The following TTLL7 variants were observed in gnomAD, a reference collection of about 807,000 sequenced individuals.
TTLL7 encodes tubulin tyrosine ligase like 7.
In TTLL7, 53 loss-of-function variants were observed where a neutral mutation model predicts 120.2. The ratio of observed to expected loss-of-function variants is 0.44; its 90% confidence interval spans 0.35 to 0.55. The LOEUF is 0.55. Among genes scored for constraint, TTLL7 ranks in the 20% least tolerant of loss-of-function variants. The pLI, the probability that TTLL7 is intolerant of heterozygous loss-of-function variation, is 0.00. For missense variants in TTLL7, 803 were observed against 1,054.7 expected (o/e 0.76, Z 3.31); for synonymous variants, 353 against 351.7 (o/e 1.00, Z -0.04).
chr1:83,979,144 G>A (rs1486681883), intron 1 of TTLL7: 1 of 152,156 alleles, frequency 6.6e-6, no homozygotes, highest in Non-Finnish European at 1.5e-5. Flanking sequence ...TTAATTAACG[G>A]GAGGCCAGCC....
At chr1:83,874,203 C>T (rs1258246746) in intron 20 of TTLL7, among the ~76,000 whole-genome samples, 1 of 152,078 alleles carries the variant, frequency 6.6e-6, no homozygotes, top group African/African-American at 2.4e-5. Context: ...GCATATTATA[C>T]ATGCCTCATA....
intron 10 of TTLL7, among the ~76,000 whole-genome samples, chr1:83,926,718 T>C (rs926449010): frequency 1.3e-5 from 2 of 152,152 alleles, no homozygotes; most frequent in African/African-American, 2.4e-5. Context: ...CATGAGTTAG[T>C]TGTAAATAAG....
intron 1 of TTLL7, among the ~76,000 whole-genome samples, chr1:83,961,524 C>T (rs1650018329): frequency 6.6e-6 from 1 of 152,002 alleles, no homozygotes; most frequent in African/African-American, 2.4e-5. Flanking sequence ...CACAGCATAC[C>T]TTCAAGGCAT....
chr1:83,882,032 G>A (rs894921855), intron 20 of TTLL7, among the ~76,000 whole-genome samples: 1 of 139,250 alleles, frequency 7.2e-6, no homozygotes, highest in African/African-American at 2.7e-5. Flanking sequence ...GGTGGGAAAT[G>A]AACAATGAGA....
chr1:83,906,311 G>A lies in TTLL7; in HGVS notation c.2127+18C>T, dbSNP rs1657194074. On this transcript the variant is annotated intron_variant, in intron 17 of 20. Coordinates refer to ENST00000260505, the MANE Select transcript of TTLL7 (RefSeq NM_024686.6). ...AAGGTACCAGCTCCTTGGCATTTTA[G>A]ATACATCACATACTCACATCTTCTA... 2 of 1,600,216 alleles carry A rather than the reference G, an allele frequency of 1.2e-6. No individual in the cohort carries two copies. Among genetic ancestry groups the A allele is most frequent in the Non-Finnish European group, 1.7e-6 (2 of 1,173,572 alleles).
intron 1 of TTLL7, among the ~76,000 whole-genome samples, chr1:83,969,061 T>C (rs895403722): frequency 7.9e-5 from 12 of 152,066 alleles, no homozygotes; most frequent in African/African-American, 2.9e-4. Flanking sequence ...TCATTTACAG[T>C]TATTTTCTCA....
At chr1:83,942,735 A>T (rs1648096110) in intron 6 of TTLL7, 56 bp from the exon 7 acceptor site, 1 of 1,301,724 alleles carries the variant, frequency 7.7e-7, no homozygotes, top group African/African-American at 1.5e-5. Context: ...AGGTGTTTAA[A>T]AAGTTATAGA....
intron 1 of TTLL7, among the ~76,000 whole-genome samples, chr1:83,982,407 TATA>T (rs927700803): frequency 6.6e-6 from 1 of 151,986 alleles, no homozygotes; most frequent in African/African-American, 2.4e-5. Context: ...AAAAAAAACT[TATA>T]TAAATATAAG....
intron 1 of TTLL7, among the ~76,000 whole-genome samples, chr1:83,962,761 T>C (rs1303152664): frequency 2.6e-5 from 4 of 152,126 alleles, no homozygotes; most frequent in Non-Finnish European, 5.9e-5. Flanking sequence ...TGGACACTCA[T>C]TTGCTTCTCT....
chr1:83,885,214 T>C (rs890981092), intron 19 of TTLL7: 4 of 158,230 alleles, frequency 2.5e-5, no homozygotes, highest in Admixed American at 6.6e-5. Flanking sequence ...ACTGTCTGCC[T>C]GGCACTTTTC....
intron 7 of TTLL7, among the ~76,000 whole-genome samples, chr1:83,941,388 C>A (rs1177871658): frequency 2.0e-5 from 3 of 152,230 alleles, no homozygotes; most frequent in Non-Finnish European, 2.9e-5. Flanking sequence ...TCAAACATTA[C>A]TTGGTGATTG....
In TTLL7 at chr1:83,947,158, T is replaced by C. The variant is rs1296460397; in HGVS notation, c.472A>G (p.Ile158Val). The change falls in exon 6 of 21, where the codon ATA becomes GTA. Residue 158 changes from isoleucine to valine, a missense_variant. This residue lies in a region of TTLL7 where 324 missense variants were observed against 507.7 expected (regional missense o/e 0.64). Coordinates refer to ENST00000260505, the MANE Select transcript of TTLL7 (RefSeq NM_024686.6). ...LKKKRKQKTF[I>V]VKPANGAMGH... is the part of the protein sequence containing the mutation. ...ATTGCACCATTAGCTGGTTTCACTATAAAAGTTTTCTGCTTCCGTTTTTTC... is the reference window on the plus strand; with the variant it reads ...ATTGCACCATTAGCTGGTTTCACTACAAAAGTTTTCTGCTTCCGTTTTTTC... 6.2e-7 allele frequency: 1 copy of C among 1,613,380 alleles called. No homozygotes were observed. The highest frequency in any genetic ancestry group is 8.5e-7 in the Non-Finnish European group (1 of 1,179,722).
chr1:83,888,348 G>C (rs904581188), intron 19 of TTLL7, among the ~76,000 whole-genome samples: 1 of 151,890 alleles, frequency 6.6e-6, no homozygotes, highest in African/African-American at 2.4e-5. Flanking sequence ...GGTCTCTGTA[G>C]AAATAATAGC....
intron 17 of TTLL7, among the ~76,000 whole-genome samples, chr1:83,905,155 T>C (rs547393180): frequency 6.6e-6 from 1 of 152,118 alleles, no homozygotes; most frequent in African/African-American, 2.4e-5. Context: ...TAAGATGACA[T>C]AGGTAAATAA....
In TTLL7 at chr1:83,905,522, G is replaced by GA. The variant is rs67769350; in HGVS notation, c.2127+806dup. 3.0e-3 allele frequency among the ~76,000 whole-genome samples: 439 copies of GA among 144,300 alleles called. 5 individuals are homozygous for GA. The highest frequency in any genetic ancestry group is 2.9e-3 in the African/African-American group (114 of 38,856). 94.7% of individuals were successfully genotyped at this position (144,300 alleles called of 152,430 possible). ...CACTAGATGGTGCCCTCTCCTCTGG[G>GA]AAAAAAAAACATATATTTTATATAC... On this transcript the variant is annotated intron_variant, in intron 17 of 20. Transcript: ENST00000260505.
At chr1:83,939,194 A>G (rs547800362) in intron 7 of TTLL7, among the ~76,000 whole-genome samples, 32 of 152,190 alleles carry the variant, frequency 2.1e-4, no homozygotes, top group Non-Finnish European at 3.5e-4. Context: ...ATGATACTTA[A>G]AAGAAAAAGC....
intron 20 of TTLL7, among the ~76,000 whole-genome samples, chr1:83,871,562 C>T (rs1018591824): frequency 1.3e-5 from 2 of 152,020 alleles, no homozygotes; most frequent in South Asian, 2.1e-4. Flanking sequence ...AACAGTGGGA[C>T]GGTATCAAAT....
In TTLL7 at chr1:83,883,154, G is replaced by A; in HGVS notation, c.2370-18C>T. On this transcript the variant is annotated intron_variant, in intron 19 of 20. Transcript: ENST00000260505. ...AAGAGGATCTGTTGGCATGGAAACAGACATGATCTCATGTTGGCTGTTAAA... is the reference window on the plus strand; with the variant it reads ...AAGAGGATCTGTTGGCATGGAAACAAACATGATCTCATGTTGGCTGTTAAA... The A allele has an allele frequency of 1.3e-6, 2 of 1,560,588 alleles. No individual in the cohort carries two copies. Among genetic ancestry groups the A allele is most frequent in the Non-Finnish European group, 1.7e-6 (2 of 1,152,592 alleles).
intron 1 of TTLL7, among the ~76,000 whole-genome samples, chr1:83,982,562 CA>C (rs1356554489): frequency 1.3e-5 from 2 of 151,594 alleles, no homozygotes; most frequent in East Asian, 3.9e-4. Flanking sequence ...TAGCCACACA[CA>C]AAAAAAATGA....
Sources: allele counts gnomAD v4.1 joint callset (sites outside exome capture counted in the v4.1 genomes callset), GRCh38; gene constraint gnomAD v4.1.1; regional missense constraint gnomAD v4.1.1; transcripts MANE v1.5; gene names NCBI Gene and HGNC (gene_info 2026-07-23, HGNC 2026-07-21).